The following TATDN3 variants were observed in gnomAD, a reference collection of about 807,000 sequenced individuals.
The protein encoded by TATDN3 is TatD DNase domain containing 3.
A neutral mutation model predicts 40.1 loss-of-function variants in TATDN3; 29 were observed. That is an observed-to-expected ratio of 0.72 (90% confidence interval 0.54 to 0.99). The LOEUF (loss-of-function observed/expected upper bound fraction) is 0.99, where lower values mean the gene tolerates loss of function less well. Among genes scored for constraint, TATDN3 ranks in the 50% least tolerant of loss-of-function variants. The pLI is 0.00. For missense variants in TATDN3, 309 were observed against 321.9 expected (o/e 0.96, Z 0.31); for synonymous variants, 105 against 117.0 (o/e 0.90, Z 0.66).
chr1:212,808,202 A>G (rs1436773859), intron 8 of TATDN3, among the ~76,000 whole-genome samples: 1 of 151,944 alleles, frequency 6.6e-6, no homozygotes. Flanking sequence ...AATCCCAGCT[A>G]CTTGGGAGGG....
intron 8 of TATDN3, 77 bp from the exon 9 acceptor site, chr1:212,812,171 T>C: frequency 1.1e-6 from 1 of 911,960 alleles, no homozygotes. Flanking sequence ...ATAAAATGCA[T>C]TATTAGTATG....
At position 212,806,747 on chromosome 1, in the gene TATDN3, CATATATATATATATATATATATATAT is replaced by C. The variant is rs71495077; in HGVS notation, c.488-977_488-952del. Among the ~76,000 whole-genome samples, 8 of 43,988 alleles carry C rather than the reference CATATATATATATATATATATATATAT, an allele frequency of 1.8e-4. 3 individuals carry two copies. Among genetic ancestry groups the C allele is most frequent in the African/African-American group, 4.5e-4 (6 of 13,214 alleles). 28.9% of individuals were successfully genotyped at this position (43,988 alleles called of 152,430 possible). ...TTTATTCTCTCTCTCTCTCTCTCTC[CATATATATATATATATATATATATAT>C]ATATATATATACACACACACACACA... On this transcript the variant is annotated intron_variant, in intron 7 of 9. Transcript: ENST00000366974.
chr1:212,809,715 C>T (rs945788204), intron 8 of TATDN3, among the ~76,000 whole-genome samples: 1 of 148,946 alleles, frequency 6.7e-6, no homozygotes, highest in Non-Finnish European at 1.5e-5. Context: ...AGAAAACCAT[C>T]CACAACCCAA....
At chr1:212,794,847 T>C in intron 1 of TATDN3, 1 of 620,046 alleles carries the variant, frequency 1.6e-6, no homozygotes, top group Middle Eastern at 2.5e-4. Context: ...TAGAGTAAGA[T>C]GAGGACAGAG....
chr1:212,813,496 T>C (rs1250958029), intron 9 of TATDN3, among the ~76,000 whole-genome samples: 1 of 152,114 alleles, frequency 6.6e-6, no homozygotes, highest in Non-Finnish European at 1.5e-5. Context: ...ACTATGATTA[T>C]ATGTGATTGC....
At chr1:212,796,090 G>A in intron 2 of TATDN3, among the ~76,000 whole-genome samples, 1 of 152,156 alleles carries the variant, frequency 6.6e-6, no homozygotes, top group East Asian at 1.9e-4. Flanking sequence ...TTTTGGAAGT[G>A]TTTATGAAAT....
intron 4 of TATDN3, 38 bp downstream of exon 4, chr1:212,797,234 C>A: frequency 6.8e-7 from 1 of 1,474,588 alleles, no homozygotes. Context: ...TAAAAACAAA[C>A]AAACGAAAGA....
intron 8 of TATDN3, among the ~76,000 whole-genome samples, chr1:212,809,122 A>G (rs1662710829): frequency 6.6e-6 from 1 of 152,182 alleles, no homozygotes; most frequent in Non-Finnish European, 1.5e-5. Flanking sequence ...ACCAGACGAA[A>G]AACCACATCT....
intron 2 of TATDN3, among the ~76,000 whole-genome samples, chr1:212,795,353 C>T (rs1249579472): frequency 1.3e-5 from 2 of 151,984 alleles, no homozygotes; most frequent in Non-Finnish European, 2.9e-5. Flanking sequence ...TCACTGCAAC[C>T]TCTGCCTCCA....
chr1:212,807,412 C>G (rs1662608336), intron 7 of TATDN3, among the ~76,000 whole-genome samples: 1 of 151,764 alleles, frequency 6.6e-6, no homozygotes, highest in Non-Finnish European at 1.5e-5. Flanking sequence ...ACCACCATGC[C>G]CAGCTAAATT....
intron 1 of TATDN3, among the ~76,000 whole-genome samples, chr1:212,792,498 T>C (rs1337504169): frequency 6.7e-6 from 1 of 148,176 alleles, no homozygotes. Context: ...AGCCGGTGAT[T>C]GTGGCGTTTG....
intron 8 of TATDN3, among the ~76,000 whole-genome samples, chr1:212,811,438 A>G (rs1662869771): frequency 1.3e-5 from 2 of 151,506 alleles, no homozygotes; most frequent in Non-Finnish European, 2.9e-5. Context: ...TAATTTTTGT[A>G]TTCTCAGTAG....
At chr1:212,811,452 T>C (rs1249576454) in intron 8 of TATDN3, among the ~76,000 whole-genome samples, 1 of 151,716 alleles carries the variant, frequency 6.6e-6, no homozygotes, top group East Asian at 2.0e-4. Flanking sequence ...TCAGTAGAGA[T>C]GGGGTTTTAT....
chr1:212,796,748 T>G lies in TATDN3; in HGVS notation c.173+158T>G, dbSNP rs544801349. On this transcript the variant is annotated intron_variant, in intron 3 of 9. Coordinates refer to ENST00000366974, the MANE Select transcript of TATDN3 (RefSeq NM_001042552.3). ...TATTTTCTACTTATTCCTTTTTTTT[T>G]TCTTTGAGAGATGGAGTCTTGCTCT... 3.6e-5 allele frequency: 20 copies of G among 552,648 alleles called. No homozygotes were observed. In the Admixed American group the frequency reaches 7.6e-4, roughly 21 times the overall value. The allele number at this position is 552,648 out of a possible 1,614,324, so 34.2% of individuals were successfully genotyped here.
chr1:212,796,597 C>T lies in TATDN3; in HGVS notation c.173+7C>T, dbSNP rs745916371. The stretch of plus-strand genomic sequence containing the variant: ...TTATGCAACTTTCAGAAAGGTGCTA[C>T]TTTTAATTAAGATTTTAAAGGGTTG... On this transcript the variant is annotated splice_region_variant and intron_variant, in intron 3 of 9. Transcript: ENST00000366974. The T allele has an allele frequency of 1.5e-5, 23 of 1,548,164 alleles. No individual in the cohort carries two copies. The highest frequency in any genetic ancestry group is 8.7e-7 in the Non-Finnish European group (1 of 1,151,160).
intron 2 of TATDN3, among the ~76,000 whole-genome samples, chr1:212,795,523 G>A (rs536065277): frequency 1.2e-4 from 18 of 151,936 alleles, no homozygotes; most frequent in Non-Finnish European, 5.9e-5. Context: ...TGCCCACCTC[G>A]ACCTCCCAAA....
Position 212,815,240 on chromosome 1 carries a change from C to A in TATDN3, c.*84C>A. 1 of 1,445,280 alleles carries A rather than the reference C, an allele frequency of 6.9e-7. No individual in the cohort carries two copies. Among genetic ancestry groups the A allele is most frequent in the Non-Finnish European group, 9.3e-7 (1 of 1,079,486 alleles). 89.5% of individuals were successfully genotyped at this position (1,445,280 alleles called of 1,614,324 possible). On this transcript the variant is annotated 3_prime_UTR_variant, in exon 10 of 10. Coordinates refer to ENST00000366974, the MANE Select transcript of TATDN3 (RefSeq NM_001042552.3). Reference sequence around the variant, plus strand: ...GAAATGTTCTGATGAAGAATCTGAACTGAAGAAGCTGTTTTATAGGGTTAT... The same window carrying A: ...GAAATGTTCTGATGAAGAATCTGAAATGAAGAAGCTGTTTTATAGGGTTAT...
In TATDN3 at chr1:212,804,641, A is replaced by C. The variant is rs751676048; in HGVS notation, c.477A>C (p.Leu159Phe). 2 of 1,613,378 alleles carry C rather than the reference A, an allele frequency of 1.2e-6. No homozygotes were observed. The highest frequency in any genetic ancestry group is 2.2e-5 in the East Asian group (1 of 44,874). Reference sequence around the variant, plus strand: ...CTGGAAGACCTACCATCAACCTTTTACAAGAGCAAGGTATTTCGTTTCCTG... The same window carrying C: ...CTGGAAGACCTACCATCAACCTTTTCCAAGAGCAAGGTATTTCGTTTCCTG... ...RSAGRPTINL[L>F]QEQGAEKVLL... is the part of the protein sequence containing the mutation. Residue 159 changes from leucine (L) to phenylalanine (F), a missense_variant, in exon 7 of 10, where the codon TTA becomes TTC. Transcript: ENST00000366974.
intron 4 of TATDN3, among the ~76,000 whole-genome samples, chr1:212,800,122 A>G (rs1371832498): frequency 1.3e-5 from 2 of 152,242 alleles, no homozygotes. Context: ...ATTACCTAGT[A>G]TCACACAAAC....
Sources: gnomAD v4.1 joint callset for allele counts (sites outside exome capture counted in the v4.1 genomes callset) on GRCh38, gnomAD v4.1.1 for gene constraint, MANE v1.5 for transcripts, NCBI Gene and HGNC (gene_info 2026-07-23, HGNC 2026-07-21) for gene names.